Variants in ZC3H12C observed in about 807,000 individuals in gnomAD.
The protein encoded by ZC3H12C is probable ribonuclease ZC3H12C.
Under a neutral mutation model 76.3 loss-of-function variants are expected in ZC3H12C, and 20 were observed. The observed-to-expected ratio is 0.26, with a 90% CI of 0.18 to 0.38. The LOEUF (loss-of-function observed/expected upper bound fraction) is 0.38, where lower values mean the gene tolerates loss of function less well. Among genes scored for constraint, ZC3H12C ranks in the 10% least tolerant of loss-of-function variants. The probability of loss-of-function intolerance (pLI) is 1.00; values close to 1 mark genes in which losing one functional copy is unlikely to be tolerated. For missense variants in ZC3H12C, 874 were observed against 1,086.5 expected (o/e 0.80, Z 2.75); for synonymous variants, 352 against 399.6 (o/e 0.88, Z 1.42).
In ZC3H12C at chr11:110,169,167, G is replaced by A. The variant is rs1862631024; in HGVS notation, c.*3430G>A. On this transcript the variant is annotated 3_prime_UTR_variant, in exon 6 of 6. Transcript: ENST00000278590. ...ATTATTTTGATATTTTTAATAGAAT[G>A]TGTAATTTTAAAATACACAAAAAAC... The A allele has an allele frequency of 6.6e-6, 1 of 152,008 alleles. No homozygotes were observed. Among genetic ancestry groups the A allele is most frequent in the African/African-American group, 2.4e-5 (1 of 41,382 alleles). 9.4% of individuals were successfully genotyped at this position (152,008 alleles called of 1,614,324 possible).
At chr11:110,114,448 A>G (rs537543842) in intron 1 of ZC3H12C, among the ~76,000 whole-genome samples, 2 of 152,298 alleles carry the variant, frequency 1.3e-5, no homozygotes, top group African/African-American at 2.4e-5. Context: ...TACATTTTAT[A>G]GTTCTTAAGA....
chr11:110,164,294 G>C lies in ZC3H12C; in HGVS notation c.1256-47G>C. ...ATCATAGGGCCAAACTGAGTTTTCA[G>C]GATCTGATGGTATGCTCCTTTGCCT... On this transcript the variant is annotated intron_variant, in intron 5 of 5. Transcript: ENST00000278590. This position sits in a 1 kb window ranked among gnomAD's most constrained non-coding sequence, Gnocchi z 5.7. 1.4e-6 allele frequency: 2 copies of C among 1,480,380 alleles called. No homozygotes were observed. The highest frequency in any genetic ancestry group is 1.8e-6 in the Non-Finnish European group (2 of 1,114,494). The allele number at this position is 1,480,380 out of a possible 1,614,324, so 91.7% of individuals were successfully genotyped here. A position where few individuals can be genotyped will look rare whatever the true frequency, so the allele number is the denominator to read the frequency against.
chr11:110,093,845 G>C (rs143529354), intron 1 of ZC3H12C, among the ~76,000 whole-genome samples: 2 of 152,044 alleles, frequency 1.3e-5, no homozygotes, highest in Non-Finnish European at 2.9e-5. Flanking sequence ...ACTCGCGCGC[G>C]CTCGTGGGGC....
At chr11:110,096,526 T>C (rs1861115942) in intron 1 of ZC3H12C, among the ~76,000 whole-genome samples, 1 of 152,212 alleles carries the variant, frequency 6.6e-6, no homozygotes, top group East Asian at 1.9e-4. Flanking sequence ...GCAGAGACAC[T>C]GAGTTTGAGT....
At chr11:110,106,441 C>T (rs913654080) in intron 1 of ZC3H12C, among the ~76,000 whole-genome samples, 1 of 152,174 alleles carries the variant, frequency 6.6e-6, no homozygotes, top group African/African-American at 2.4e-5. Flanking sequence ...TCATTTTGTA[C>T]AGTCAGAGAG....
intron 2 of ZC3H12C, among the ~76,000 whole-genome samples, chr11:110,138,298 CAGA>C (rs1030209511): frequency 6.6e-6 from 1 of 152,044 alleles, no homozygotes; most frequent in African/African-American, 2.4e-5. Flanking sequence ...TGCAGTTTCT[CAGA>C]AGGTGATCTG....
intron 1 of ZC3H12C, among the ~76,000 whole-genome samples, chr11:110,119,848 CG>C (rs1565253261): frequency 6.6e-6 from 1 of 152,128 alleles, no homozygotes; most frequent in African/African-American, 2.4e-5. Context: ...TTCACAAGTG[CG>C]GAACCTTGTG....
At chr11:110,161,333 G>A (rs1170747757) in intron 4 of ZC3H12C, among the ~76,000 whole-genome samples, 1 of 152,116 alleles carries the variant, frequency 6.6e-6, no homozygotes, top group African/African-American at 2.4e-5. Flanking sequence ...GTCCATTGTT[G>A]ACCAAGATGT....
intron 3 of ZC3H12C, among the ~76,000 whole-genome samples, chr11:110,154,582 A>T (rs1392627318): frequency 2.0e-5 from 3 of 152,072 alleles, no homozygotes; most frequent in Admixed American, 6.5e-5. Context: ...CTTATCTTAC[A>T]CCATATAACA....
At chr11:110,123,357 A>C (rs1487320659) in intron 1 of ZC3H12C, among the ~76,000 whole-genome samples, 1 of 152,218 alleles carries the variant, frequency 6.6e-6, no homozygotes, top group Non-Finnish European at 1.5e-5. Context: ...TGAATTTTTT[A>C]AAAAACACTA....
chr11:110,105,059 C>T (rs1341404419), intron 1 of ZC3H12C, among the ~76,000 whole-genome samples: 3 of 152,172 alleles, frequency 2.0e-5, no homozygotes, highest in Non-Finnish European at 4.4e-5. Flanking sequence ...GTCATCTGTA[C>T]TCATTTCCTA....
At position 110,152,627 on chromosome 11, in the gene ZC3H12C, A is replaced by C. The variant is rs143609038; in HGVS notation, c.774-292A>C. ...CCTTTCTGTTTTCTTTATTCTGATC[A>C]AAAACAGCTTGTGTCTTTCTGACTA... On this transcript the variant is annotated intron_variant, in intron 2 of 5. Transcript: ENST00000278590. 8.5e-5 allele frequency among the ~76,000 whole-genome samples: 13 copies of C among 152,254 alleles called. No individual in the cohort carries two copies. In the East Asian group the frequency reaches 2.1e-3, roughly 25 times the overall value.
rs565458733 is a variant in ZC3H12C, at chr11:110,166,058, A to G, written c.*321A>G. 3.8e-5 allele frequency: 9 copies of G among 238,996 alleles called. No homozygotes were observed. The Admixed American group carries it at 4.6e-4, about 12-fold the overall frequency. The allele number at this position is 238,996 out of a possible 1,614,324, so 14.8% of individuals were successfully genotyped here. The stretch of plus-strand genomic sequence containing the variant: ...TTTGGTGCATCAGGGGTTTATATGC[A>G]GCACTTTTTATCCTTGTTTTGTGTT... On this transcript the variant is annotated 3_prime_UTR_variant, in exon 6 of 6. Coordinates refer to ENST00000278590, the MANE Select transcript of ZC3H12C (RefSeq NM_033390.2).
In ZC3H12C at chr11:110,111,485, A is replaced by T. The variant is rs1461457144; in HGVS notation, c.21+18053A>T. Among the ~76,000 whole-genome samples, 3 of 151,594 alleles carry T rather than the reference A, an allele frequency of 2.0e-5. 1 individual carries two copies. Among genetic ancestry groups the T allele is most frequent in the Admixed American group, 2.0e-4 (3 of 15,220 alleles). On this transcript the variant is annotated intron_variant, in intron 1 of 5. Transcript: ENST00000278590. ...GTCAGTAACTTATTTTAGAAACACCAGTTCCGAAGACTTGACTCATTTGTC... is the reference window on the plus strand; with the variant it reads ...GTCAGTAACTTATTTTAGAAACACCTGTTCCGAAGACTTGACTCATTTGTC...
chr11:110,125,082 T>C (rs1861715658), intron 1 of ZC3H12C, among the ~76,000 whole-genome samples: 1 of 152,112 alleles, frequency 6.6e-6, no homozygotes, highest in African/African-American at 2.4e-5. Flanking sequence ...GTTTTAAGAA[T>C]GCACTGTTGC....
rs118173542 is a variant in ZC3H12C, at chr11:110,137,666, T to C, written c.773+252T>C. Among the ~76,000 whole-genome samples, 643 of 152,314 alleles carry C rather than the reference T, an allele frequency of 4.2e-3. 4 individuals carry two copies. Among genetic ancestry groups the C allele is most frequent in the Non-Finnish European group, 7.0e-3 (477 of 68,032 alleles). ...CTTTTTGTCCTCATCTGGCTAAATT[T>C]CTATGGTATAAAAATTAGTGTGTGT... is the stretch of plus-strand genomic sequence containing the variant. On this transcript the variant is annotated intron_variant, in intron 2 of 5. Coordinates refer to ENST00000278590, the MANE Select transcript of ZC3H12C (RefSeq NM_033390.2).
rs1487767693 is a variant in ZC3H12C, at chr11:110,165,131, C to T, written c.2046C>T (p.Asp682=). 2.5e-6 allele frequency: 4 copies of T among 1,613,822 alleles called. No homozygotes were observed. The highest frequency in any genetic ancestry group is 8.5e-7 in the Non-Finnish European group (1 of 1,179,896). ...AACCGTTCCTGCAGAATTTCCACGACCCCTTAACCAGAGGGCAAAGTTACA... is the reference window on the plus strand; with the variant it reads ...AACCGTTCCTGCAGAATTTCCACGATCCCTTAACCAGAGGGCAAAGTTACA... The part of the protein sequence containing the change: ...NPQPFLQNFH[D]PLTRGQSYSH... The change falls in exon 6 of 6, where the codon GAC becomes GAT. Residue 682 remains aspartate, a synonymous_variant. Coordinates refer to ENST00000278590, the MANE Select transcript of ZC3H12C (RefSeq NM_033390.2).
intron 4 of ZC3H12C, among the ~76,000 whole-genome samples, chr11:110,161,947 A>G (rs1275606593): frequency 6.6e-6 from 1 of 152,212 alleles, no homozygotes; most frequent in East Asian, 1.9e-4. Context: ...CCTGGCCAAC[A>G]TGGCGAAACC....
chr11:110,128,690 TTAAG>T (rs1304592100), intron 1 of ZC3H12C, among the ~76,000 whole-genome samples: 1 of 152,174 alleles, frequency 6.6e-6, no homozygotes, highest in Non-Finnish European at 1.5e-5. Context: ...TGCACAGCTA[TTAAG>T]TTTTATTAGG....
Sources: gnomAD v4.1 joint callset for allele counts (sites outside exome capture counted in the v4.1 genomes callset) on GRCh38, gnomAD v4.1.1 for gene constraint, Gnocchi (gnomAD v3.1) non-coding constraint, MANE v1.5 for transcripts, NCBI Gene and HGNC (gene_info 2026-07-23, HGNC 2026-07-21) for gene names.